Variants in PRDM15 observed in about 807,000 individuals in gnomAD.
The protein encoded by PRDM15 is PR/SET domain 15, also known as PR domain zinc finger protein 15.
In PRDM15, 64 loss-of-function variants were observed where a neutral mutation model predicts 128.6. The ratio of observed to expected loss-of-function variants is 0.50; its 90% confidence interval spans 0.41 to 0.61. The LOEUF is 0.61. Among genes scored for constraint, PRDM15 ranks in the 20% least tolerant of loss-of-function variants. The pLI is 0.00. For missense variants in PRDM15, 1,242 were observed against 1,569.1 expected, an observed-to-expected ratio of 0.79 and a Z score of 3.52; for synonymous variants, 615 against 621.8, an observed-to-expected ratio of 0.99 and a Z score of 0.16.
rs755657611 is a variant in PRDM15, at chr21:41,859,251, C to T, written c.131+341G>A. 24 of 1,608,280 alleles carry T rather than the reference C, an allele frequency of 1.5e-5. No homozygotes were observed. The highest frequency in any genetic ancestry group is 5.3e-5 in the African/African-American group (4 of 74,860). ...GACCTGGAATGCAGAGAGAAGCCAA[C>T]GAGCAGACCTCCAGCTTGGCTGCTG... On this transcript the variant is annotated intron_variant, in intron 3 of 23. Coordinates refer to ENST00000398548, the MANE Select transcript of PRDM15 (RefSeq NM_001040424.3). The surrounding 1 kb of genome is among the most constrained non-coding windows in gnomAD (Gnocchi z 5.3).
intron 1 of PRDM15, among the ~76,000 whole-genome samples, chr21:41,863,634 A>T (rs1409079417): frequency 6.6e-6 from 1 of 152,084 alleles, no homozygotes; most frequent in African/African-American, 2.4e-5. Flanking sequence ...ATGGGGGGTG[A>T]CTTCAGGTTC....
At chr21:41,868,940 G>A (rs1234269550) in intron 1 of PRDM15, among the ~76,000 whole-genome samples, 4 of 151,992 alleles carry the variant, frequency 2.6e-5, no homozygotes, top group Non-Finnish European at 2.9e-5. Context: ...CACCCGCCTC[G>A]GCCTCCCAAA....
intron 1 of PRDM15, chr21:41,871,367 A>AC: frequency 9.6e-6 from 1 of 103,794 alleles, no homozygotes; most frequent in Admixed American, 9.6e-5. Context: ...CTGCACCACC[A>AC]CCTCTGCCTC....
intron 10 of PRDM15, 53 bp downstream of exon 10, chr21:41,836,060 G>T: frequency 1.7e-6 from 2 of 1,184,482 alleles, no homozygotes; most frequent in Non-Finnish European, 1.2e-6. Flanking sequence ...TTGGTCAGTT[G>T]TCTGTGTTGT....
At position 41,810,011 on chromosome 21, in the gene PRDM15, T is replaced by A. The variant is rs1208332414; in HGVS notation, c.2652+143A>T. On this transcript the variant is annotated intron_variant, in intron 21 of 23. Transcript: ENST00000398548. This position sits in a 1 kb window ranked among gnomAD's most constrained non-coding sequence, Gnocchi z 6.4. ...TCAGTGCCTCCTGTGTGGCAGGCAG[T>A]GCCAGTCACAGACGCACCTAAGACT... is the stretch of plus-strand genomic sequence containing the variant. 2.6e-6 allele frequency: 2 copies of A among 765,646 alleles called. No homozygotes were observed. Among genetic ancestry groups the A allele is most frequent in the African/African-American group, 3.5e-5 (2 of 57,644 alleles). 47.4% of individuals were successfully genotyped at this position (765,646 alleles called of 1,614,324 possible).
chr21:41,805,063 C>A (rs1253957010), intron 21 of PRDM15, among the ~76,000 whole-genome samples: 1 of 152,222 alleles, frequency 6.6e-6, no homozygotes, highest in African/African-American at 2.4e-5. Flanking sequence ...TACACAAGTG[C>A]TTTCATTTGT....
At position 41,862,132 on chromosome 21, in the gene PRDM15, C is replaced by G; in HGVS notation, c.-9-1760G>C. The G allele has an allele frequency of 1.4e-6, 1 of 703,622 alleles. No homozygotes were observed. 43.6% of individuals were successfully genotyped at this position (703,622 alleles called of 1,614,324 possible). On this transcript the variant is annotated intron_variant, in intron 1 of 23. Transcript: ENST00000398548. This position sits in a 1 kb window ranked among gnomAD's most constrained non-coding sequence, Gnocchi z 4.1. ...CAGAGTGGGGTGGGGAGGGCGCACG[C>G]TTTCATGAGTTGCTGCTGTGCTACT... is the stretch of plus-strand genomic sequence containing the variant.
intron 21 of PRDM15, 21 bp from the exon 22 acceptor site, chr21:41,804,635 G>C: frequency 6.5e-7 from 1 of 1,533,796 alleles, no homozygotes; most frequent in Non-Finnish European, 8.8e-7. Context: ...CACAGGGCAT[G>C]AGCTGGGGGT....
At position 41,879,315 on chromosome 21, in the gene PRDM15, T is replaced by A; in HGVS notation, c.-55A>T. ...GCGGGATCGGATCCGGACTCCGGGT[T>A]GCGATCCGCTCCGGAAACTGCGCAG... On this transcript the variant is annotated 5_prime_UTR_variant, in exon 1 of 24. Coordinates refer to ENST00000398548, the MANE Select transcript of PRDM15 (RefSeq NM_001040424.3). This position sits in a 1 kb window ranked among gnomAD's most constrained non-coding sequence, Gnocchi z 5.1. 2.7e-6 allele frequency: 3 copies of A among 1,092,606 alleles called. No individual in the cohort carries two copies. The highest frequency in any genetic ancestry group is 3.4e-6 in the Non-Finnish European group (3 of 890,008). 67.7% of individuals were successfully genotyped at this position (1,092,606 alleles called of 1,614,324 possible).
chr21:41,858,469 G>A (rs1355826990), intron 3 of PRDM15, among the ~76,000 whole-genome samples: 2 of 151,834 alleles, frequency 1.3e-5, no homozygotes, highest in African/African-American at 2.4e-5. Context: ...CCAGAGCACA[G>A]GCCCCTCCGA....
At position 41,810,248 on chromosome 21, in the gene PRDM15, T is replaced by C; in HGVS notation, c.2558A>G (p.His853Arg). 6.2e-7 allele frequency: 1 copy of C among 1,613,350 alleles called. No individual in the cohort carries two copies. The part of the protein sequence containing the change: ...YMLQKHVQLT[H>R]DKVEAQSCQL... ...GCAGCTCTGCGCCTCCACCTTGTCG[T>C]GTGTGAGCTGAACGTGCTTCTGCAG... is the stretch of plus-strand genomic sequence containing the variant. The change falls in exon 21 of 24, where the codon CAC becomes CGC. Residue 853 changes from histidine to arginine, a missense_variant. By Grantham distance (29) the His-to-Arg change is conservative (BLOSUM62 0). Transcript: ENST00000398548. This position sits in a 1 kb window ranked among gnomAD's most constrained non-coding sequence, Gnocchi z 6.4.
At chr21:41,806,400 C>CCACCACCAT (rs2061630846) in intron 21 of PRDM15, among the ~76,000 whole-genome samples, 2 of 32,804 alleles carry the variant, frequency 6.1e-5, no homozygotes, top group African/African-American at 1.5e-4. Context: ...ACCATCACCA[C>CCACCACCAT]CACCACCACC....
chr21:41,810,306 C>A lies in PRDM15; in HGVS notation c.2500G>T (p.Val834Leu). Residue 834 changes from valine to leucine, a missense_variant, in exon 21 of 24, where the codon GTG (valine) becomes TTG (leucine). Physicochemically the swap from Val to Leu is conservative, Grantham distance 32. Around this residue, in one of 3 missense-constraint regions of PRDM15, gnomAD observed 602 missense variants for 788.3 expected, o/e 0.76. Transcript: ENST00000398548. The surrounding 1 kb of genome is among the most constrained non-coding windows in gnomAD (Gnocchi z 6.4). ...TCGGTCACGTACTTCTTGTCGCACA[C>A]GGAGCACGTCCACTGCTTGCCCACT... ...HTVGKQWTCS[V>L]CDKKYVTEYM... 6.2e-7 allele frequency: 1 copy of A among 1,613,342 alleles called. No individual in the cohort carries two copies. Among genetic ancestry groups the A allele is most frequent in the Non-Finnish European group, 8.5e-7 (1 of 1,179,858 alleles).
chr21:41,810,456 G>C lies in PRDM15; in HGVS notation c.2477-127C>G. On this transcript the variant is annotated intron_variant, in intron 20 of 23. Coordinates refer to ENST00000398548, the MANE Select transcript of PRDM15 (RefSeq NM_001040424.3). The surrounding 1 kb of genome is among the most constrained non-coding windows in gnomAD (Gnocchi z 6.4). The stretch of plus-strand genomic sequence containing the variant: ...AAGCCTGTCACGCCCCGCCCATCCT[G>C]AGAGGGCCGGTGCTGGTCCCCGAGC... The C allele has an allele frequency of 1.8e-6, 2 of 1,083,180 alleles. No individual in the cohort carries two copies. Among genetic ancestry groups the C allele is most frequent in the Non-Finnish European group, 2.7e-6 (2 of 754,422 alleles). 67.1% of individuals were successfully genotyped at this position (1,083,180 alleles called of 1,614,324 possible). A position where few individuals can be genotyped will look rare whatever the true frequency, so the allele number is the denominator to read the frequency against.
chr21:41,810,634 C>T lies in PRDM15; in HGVS notation c.2476+119G>A, dbSNP rs944306509. Reference sequence around the variant, plus strand: ...GGGCCACCATGAAGCCAAGACAACACTAAATGTGCTGGAACCGTCTAGATA... The same window carrying T: ...GGGCCACCATGAAGCCAAGACAACATTAAATGTGCTGGAACCGTCTAGATA... On this transcript the variant is annotated intron_variant, in intron 20 of 23. Transcript: ENST00000398548. The surrounding 1 kb of genome is among the most constrained non-coding windows in gnomAD (Gnocchi z 6.4). 33 of 831,106 alleles carry T rather than the reference C, an allele frequency of 4.0e-5. No homozygotes were observed. The African/African-American group carries it at 4.7e-4, about 12-fold the overall frequency. 51.5% of individuals were successfully genotyped at this position (831,106 alleles called of 1,614,324 possible).
rs746517931 is a variant in PRDM15 at position 41,839,735 on chromosome 21, C to T, written c.759G>A (p.Glu253=). ...TPRGEPPAVP[E]SENVATKEQK... is the part of the protein sequence containing the mutation. ...GTTCTTTGGTGGCAACATTCTCGCT[C>T]TCGGGCACTGCAGGGGGTTCCCCCC... The change falls in exon 7 of 24, where the codon GAG becomes GAA. Residue 253 remains glutamate (E), a synonymous_variant. Transcript: ENST00000398548. 4.3e-6 allele frequency: 7 copies of T among 1,614,272 alleles called. No homozygotes were observed. Among genetic ancestry groups the T allele is most frequent in the Non-Finnish European group, 5.9e-6 (7 of 1,180,048 alleles).
intron 7 of PRDM15, among the ~76,000 whole-genome samples, chr21:41,838,341 C>A (rs182323716): frequency 6.6e-6 from 1 of 152,244 alleles, no homozygotes; most frequent in Non-Finnish European, 1.5e-5. Flanking sequence ...TACTTCAATC[C>A]CTCTTCATAC....
At chr21:41,829,607 CACA>C (rs1203869043) in intron 11 of PRDM15, among the ~76,000 whole-genome samples, 1 of 151,602 alleles carries the variant, frequency 6.6e-6, no homozygotes, top group Non-Finnish European at 1.5e-5. Context: ...TACACTATCA[CACA>C]CCACACAAAT....
intron 7 of PRDM15, 54 bp downstream of exon 7, chr21:41,839,569 C>A (rs539814386): frequency 2.6e-6 from 4 of 1,517,094 alleles, no homozygotes; most frequent in Non-Finnish European, 3.7e-6. Context: ...AGCCCTCGGG[C>A]GCCAGGAGGG....
Sources: gnomAD v4.1 joint callset for allele counts (sites outside exome capture counted in the v4.1 genomes callset) on GRCh38, gnomAD v4.1.1 for gene constraint, gnomAD v4.1.1 regional missense constraint, Gnocchi (gnomAD v3.1) non-coding constraint, MANE v1.5 for transcripts, NCBI Gene and HGNC (gene_info 2026-07-23, HGNC 2026-07-21) for gene names.